ROBO2: variants seen among roughly 807,000 people sequenced by gnomAD.
The protein encoded by ROBO2 is roundabout guidance receptor 2.
In ROBO2, 53 loss-of-function variants were observed where a neutral mutation model predicts 160.8. The observed-to-expected ratio is 0.33, with a 90% CI of 0.26 to 0.41. The LOEUF (loss-of-function observed/expected upper bound fraction) is 0.41, where lower values mean the gene tolerates loss of function less well. Ranked by LOEUF, ROBO2 falls within the 10% of genes least tolerant of loss-of-function variation. The pLI, the probability that ROBO2 is intolerant of heterozygous loss-of-function variation, is 1.00. For synonymous variants in ROBO2, 664 were observed against 611.7 expected (o/e 1.09, Z -1.26); for missense variants, 1,577 against 1,722.4 (o/e 0.92, Z 1.49).
intron 4 of ROBO2, among the ~76,000 whole-genome samples, chr3:77,488,899 G>A (rs2085717525): frequency 6.6e-6 from 1 of 152,128 alleles, no homozygotes. Context: ...GTGGAAAATA[G>A]TTCTTACAAA....
At chr3:77,380,678 T>A (rs2073327917) in intron 2 of ROBO2, among the ~76,000 whole-genome samples, 1 of 130,880 alleles carries the variant, frequency 7.6e-6, no homozygotes, top group African/African-American at 2.8e-5. Context: ...CCTCTCTCCC[T>A]CCTTCCCTCC....
At chr3:76,553,772 T>G (rs559227089) in intron 2 of ROBO2, among the ~76,000 whole-genome samples, 1 of 152,326 alleles carries the variant, frequency 6.6e-6, no homozygotes, top group African/African-American at 2.4e-5. Context: ...TGGGGGTGGT[T>G]ACAGTAAATC....
chr3:76,810,437 A>G (rs1348958971), intron 2 of ROBO2, among the ~76,000 whole-genome samples: 1 of 152,106 alleles, frequency 6.6e-6, no homozygotes, highest in Non-Finnish European at 1.5e-5. Flanking sequence ...TAATAAAGAT[A>G]AACAGAGAAA....
intron 2 of ROBO2, among the ~76,000 whole-genome samples, chr3:77,126,531 A>T (rs2075326822): frequency 1.3e-5 from 2 of 152,018 alleles, no homozygotes; most frequent in African/African-American, 4.8e-5. Flanking sequence ...ATATCGGCTT[A>T]TTTTAGACAT....
At chr3:76,257,771 G>A (rs1706493888) in intron 2 of ROBO2, among the ~76,000 whole-genome samples, 1 of 152,088 alleles carries the variant, frequency 6.6e-6, no homozygotes, top group South Asian at 2.1e-4. Context: ...ATTGTATAGT[G>A]TATTTCATAG....
chr3:77,265,233 A>C (rs557717797), intron 2 of ROBO2, among the ~76,000 whole-genome samples: 2 of 152,286 alleles, frequency 1.3e-5, no homozygotes, highest in East Asian at 3.9e-4. Flanking sequence ...AAATGGAGGC[A>C]CTTGCCTATA....
At chr3:76,728,958 C>G (rs1156468949) in intron 2 of ROBO2, among the ~76,000 whole-genome samples, 1 of 151,950 alleles carries the variant, frequency 6.6e-6, no homozygotes, top group African/African-American at 2.4e-5. Context: ...CCTTCCCTAT[C>G]TCTATGTTTC....
intron 2 of ROBO2, among the ~76,000 whole-genome samples, chr3:76,856,459 T>C (rs2070089671): frequency 6.6e-6 from 1 of 152,208 alleles, no homozygotes; most frequent in Non-Finnish European, 1.5e-5. Context: ...AACCTACTCA[T>C]TTAGCAAAAA....
intron 2 of ROBO2, among the ~76,000 whole-genome samples, chr3:77,125,126 T>G (rs2075190946): frequency 6.6e-6 from 1 of 152,192 alleles, no homozygotes. Context: ...CAGGTAGTTT[T>G]TAGATACAAG....
intron 2 of ROBO2, among the ~76,000 whole-genome samples, chr3:75,967,524 A>G (rs1949159525): frequency 1.3e-5 from 2 of 151,700 alleles, no homozygotes; most frequent in South Asian, 4.1e-4. Flanking sequence ...AAGATAACAT[A>G]TAAAATTACA....
chr3:76,265,352 A>G (rs1707034351), intron 2 of ROBO2, among the ~76,000 whole-genome samples: 1 of 152,154 alleles, frequency 6.6e-6, no homozygotes, highest in African/African-American at 2.4e-5. Flanking sequence ...GTGATAATAT[A>G]TTTGTTTCTG....
rs558359191 is a variant in ROBO2, at chr3:77,376,228, C to T, written c.389-101186C>T. Among the ~76,000 whole-genome samples the T allele has an allele frequency of 4.2e-5, 6 of 141,330 alleles. No homozygotes were observed. The East Asian group carries it at 1.3e-3, about 30-fold the overall frequency. 92.7% of individuals were successfully genotyped at this position (141,330 alleles called of 152,430 possible). On this transcript the variant is annotated intron_variant, in intron 2 of 25. Coordinates refer to ENST00000461745, the Ensembl canonical transcript of ROBO2. ...GGAGTGCACCAGTACAATCTCTGCT[C>T]ACTGCAACCTCCGCCTCCCAGGTTC...
chr3:77,254,704 T>G (rs2090746108), intron 2 of ROBO2, among the ~76,000 whole-genome samples: 1 of 152,204 alleles, frequency 6.6e-6, no homozygotes, highest in Non-Finnish European at 1.5e-5. Context: ...GATTCTGATA[T>G]CACATTTGTT....
At chr3:77,195,838 A>G (rs17015077) in intron 2 of ROBO2, among the ~76,000 whole-genome samples, 1,924 of 152,254 alleles carry the variant, frequency 0.013, 38 homozygotes, top group African/African-American at 0.043. Context: ...AGACCTCATT[A>G]TATTATCCCG....
intron 2 of ROBO2, among the ~76,000 whole-genome samples, chr3:76,172,436 TAAA>T (rs59265395): frequency 1.8e-4 from 22 of 124,736 alleles, no homozygotes; most frequent in East Asian, 6.8e-4. Flanking sequence ...GTATAATAAT[TAAA>T]AAAAAAAAAA....
chr3:77,202,193 G>A (rs910719421), intron 2 of ROBO2, among the ~76,000 whole-genome samples: 1 of 152,110 alleles, frequency 6.6e-6, no homozygotes, highest in African/African-American at 2.4e-5. Flanking sequence ...ACTGGTCATT[G>A]AGTTTTTTCT....
intron 1 of ROBO2, among the ~76,000 whole-genome samples, chr3:77,042,383 T>C (rs771505375): frequency 5.3e-5 from 8 of 152,242 alleles, no homozygotes; most frequent in Admixed American, 2.0e-4. Context: ...TTGGTATAAC[T>C]TTTAAAAGAA....
intron 2 of ROBO2, among the ~76,000 whole-genome samples, chr3:76,600,893 T>C (rs2087091736): frequency 6.6e-6 from 1 of 152,136 alleles, no homozygotes; most frequent in Non-Finnish European, 1.5e-5. Flanking sequence ...ACAAGGCAAG[T>C]TCCTCCCACC....
At chr3:77,530,740 T>C (rs1559552651) in intron 6 of ROBO2, among the ~76,000 whole-genome samples, 1 of 152,050 alleles carries the variant, frequency 6.6e-6, no homozygotes, top group Non-Finnish European at 1.5e-5. Flanking sequence ...GCCCTTCCTG[T>C]GGTTTTGACG....
Sources: allele counts gnomAD v4.1 joint callset (sites outside exome capture counted in the v4.1 genomes callset), GRCh38; gene constraint gnomAD v4.1.1; transcripts MANE v1.5; gene names NCBI Gene and HGNC (gene_info 2026-07-23, HGNC 2026-07-21).